The following RBFOX1 variants were observed in gnomAD, a reference collection of about 807,000 sequenced individuals.
RBFOX1 encodes the protein RNA binding fox-1 homolog 1.
Under a neutral mutation model 57.7 loss-of-function variants are expected in RBFOX1, and 8 were observed. That is an observed-to-expected ratio of 0.14 (90% CI 0.08 to 0.25). The LOEUF (loss-of-function observed/expected upper bound fraction) is 0.25, where lower values mean the gene tolerates loss of function less well. Ranked by LOEUF, RBFOX1 falls within the 10% of genes least tolerant of loss-of-function variation. The pLI is 1.00. For synonymous variants in RBFOX1, 326 were observed against 222.4 expected, an observed-to-expected ratio of 1.47 and a Z score of -4.15; for missense variants, 611 against 548.5, an observed-to-expected ratio of 1.11 and a Z score of -1.14.
chr16:6,366,689 G>T (rs1045109378), intron 2 of RBFOX1, among the ~76,000 whole-genome samples: 5 of 152,172 alleles, frequency 3.3e-5, no homozygotes, highest in African/African-American at 1.2e-4. Flanking sequence ...AGCAAACTTA[G>T]GGAGTAGATG....
intron 3 of RBFOX1, among the ~76,000 whole-genome samples, chr16:6,930,652 C>T (rs117771295): frequency 0.076 from 11,630 of 152,136 alleles, 671 homozygotes; most frequent in Non-Finnish European, 0.12. Flanking sequence ...TTAGGTGATC[C>T]GCCTGCCTTG....
intron 11 of RBFOX1, among the ~76,000 whole-genome samples, chr16:7,649,511 T>C (rs1167550767): frequency 6.6e-6 from 1 of 152,196 alleles, no homozygotes; most frequent in African/African-American, 2.4e-5. Flanking sequence ...TCACTTACGA[T>C]GGAGTCGCTG....
intron 2 of RBFOX1, among the ~76,000 whole-genome samples, chr16:6,496,852 C>T (rs964845881): frequency 1.3e-5 from 2 of 151,978 alleles, no homozygotes; most frequent in African/African-American, 2.4e-5. Flanking sequence ...CCCAGCTACT[C>T]GGGAGGCTGA....
intron 4 of RBFOX1, among the ~76,000 whole-genome samples, chr16:5,936,861 A>T (rs2059178397): frequency 6.6e-6 from 1 of 152,240 alleles, no homozygotes; most frequent in Non-Finnish European, 1.5e-5. Flanking sequence ...CCATCTGGGT[A>T]TCAAAGATCT....
intron 10 of RBFOX1, chr16:7,614,485 C>T (rs2058092165): frequency 6.6e-6 from 1 of 152,090 alleles, no homozygotes; most frequent in Non-Finnish European, 1.5e-5. Context: ...TTTTGATCTT[C>T]AGATAAGATC....
intron 3 of RBFOX1, among the ~76,000 whole-genome samples, chr16:6,922,778 A>G (rs928308768): frequency 6.6e-6 from 1 of 152,180 alleles, no homozygotes; most frequent in Non-Finnish European, 1.5e-5. Flanking sequence ...GGTGACTGTG[A>G]GTAATAAATC....
intron 1 of RBFOX1, among the ~76,000 whole-genome samples, chr16:6,140,594 G>A (rs1194404814): frequency 6.6e-6 from 1 of 152,084 alleles, no homozygotes; most frequent in Non-Finnish European, 1.5e-5. Context: ...AATGAGAGGA[G>A]CAACAATTAA....
At chr16:7,312,122 G>A (rs2096326595) in intron 4 of RBFOX1, among the ~76,000 whole-genome samples, 1 of 152,250 alleles carries the variant, frequency 6.6e-6, no homozygotes, top group Admixed American at 6.5e-5. Context: ...GCCCACGCCT[G>A]TAATCCCAGC....
intron 9 of RBFOX1, among the ~76,000 whole-genome samples, chr16:7,605,743 C>T (rs1009263625): frequency 6.8e-4 from 103 of 152,162 alleles, no homozygotes; most frequent in African/African-American, 2.3e-3. Context: ...TCATTGCCTT[C>T]TCTCAAAAAC....
chr16:7,200,786 A>G (rs1347234788), intron 4 of RBFOX1, among the ~76,000 whole-genome samples: 2 of 152,168 alleles, frequency 1.3e-5, no homozygotes, highest in Non-Finnish European at 2.9e-5. Context: ...AAAGCCTCTA[A>G]TAGGGACTAA....
At chr16:5,743,546 A>AT (rs1175576263) in intron 3 of RBFOX1, among the ~76,000 whole-genome samples, 1 of 152,064 alleles carries the variant, frequency 6.6e-6, no homozygotes, top group Admixed American at 6.6e-5. Context: ...TAAAATGATC[A>AT]TTTTTTGCAT....
At chr16:6,978,701 A>G (rs913825313) in intron 3 of RBFOX1, among the ~76,000 whole-genome samples, 16 of 152,214 alleles carry the variant, frequency 1.1e-4, no homozygotes, top group Admixed American at 1.0e-3. Flanking sequence ...TTGCCAATGT[A>G]ATCAGGATGT....
chr16:6,066,486 A>C (rs921048235), intron 1 of RBFOX1, among the ~76,000 whole-genome samples: 1 of 152,080 alleles, frequency 6.6e-6, no homozygotes, highest in African/African-American at 2.4e-5. Flanking sequence ...GCAGCTGAGA[A>C]ATGGGAATAC....
chr16:7,105,626 G>A (rs2063443816), intron 4 of RBFOX1, among the ~76,000 whole-genome samples: 1 of 152,034 alleles, frequency 6.6e-6, no homozygotes, highest in Non-Finnish European at 1.5e-5. Context: ...CCAGGTTGCT[G>A]CGAATGCCAT....
At chr16:5,432,370 C>T (rs1299243211) in intron 1 of RBFOX1, among the ~76,000 whole-genome samples, 3 of 152,148 alleles carry the variant, frequency 2.0e-5, no homozygotes, top group Non-Finnish European at 2.9e-5. Context: ...GTGAAGCTCT[C>T]GACTGCTCCG....
intron 2 of RBFOX1, among the ~76,000 whole-genome samples, chr16:6,641,300 G>GT (rs1171238789): frequency 6.6e-6 from 1 of 152,116 alleles, no homozygotes; most frequent in Non-Finnish European, 1.5e-5. Context: ...GGACAGCATT[G>GT]TAACACGGTT....
chr16:7,569,847 AGC>A (rs71394320), intron 5 of RBFOX1, among the ~76,000 whole-genome samples: 58,883 of 151,726 alleles, frequency 0.39, 11,796 homozygotes, highest in South Asian at 0.53. Flanking sequence ...AATGGGAGTG[AGC>A]GCCTCTGTCT....
At chr16:7,340,726 A>T (rs2096875493) in intron 4 of RBFOX1, among the ~76,000 whole-genome samples, 1 of 152,116 alleles carries the variant, frequency 6.6e-6, no homozygotes, top group African/African-American at 2.4e-5. Context: ...CATGACGTAG[A>T]CCTCCCATCA....
At chr16:6,521,311 C>A (rs751019881) in intron 2 of RBFOX1, among the ~76,000 whole-genome samples, 1 of 152,066 alleles carries the variant, frequency 6.6e-6, no homozygotes, top group Non-Finnish European at 1.5e-5. Context: ...ATTTCTGAAG[C>A]CCAAGACATC....
Sources: gnomAD v4.1 joint callset for allele counts (sites outside exome capture counted in the v4.1 genomes callset) on GRCh38, gnomAD v4.1.1 for gene constraint, MANE v1.5 for transcripts, NCBI Gene and HGNC (gene_info 2026-07-23, HGNC 2026-07-21) for gene names.